The following MACROD2 variants were observed in gnomAD, a reference collection of about 807,000 sequenced individuals.
The protein encoded by MACROD2 is ADP-ribose glycohydrolase MACROD2.
Under a neutral mutation model 70.4 loss-of-function variants are expected in MACROD2, and 36 were observed. The observed-to-expected ratio is 0.51, with a 90% CI of 0.39 to 0.68. The LOEUF is 0.68. Ranked by LOEUF, MACROD2 falls within the 30% of genes least tolerant of loss-of-function variation. MACROD2 has a pLI of 0.00. For missense variants in MACROD2, 496 were observed against 538.4 expected (o/e 0.92, Z 0.78); for synonymous variants, 172 against 178.8 (o/e 0.96, Z 0.30).
At chr20:15,198,775 T>C (rs2076629038) in intron 5 of MACROD2, among the ~76,000 whole-genome samples, 1 of 152,134 alleles carries the variant, frequency 6.6e-6, no homozygotes, top group Non-Finnish European at 1.5e-5. Context: ...CAAAGTTATT[T>C]CCATAGAAGA....
At chr20:14,778,198 T>G (rs1021423160) in intron 5 of MACROD2, among the ~76,000 whole-genome samples, 27 of 152,068 alleles carry the variant, frequency 1.8e-4, no homozygotes, top group Admixed American at 1.3e-4. Flanking sequence ...GAGAGAGAAG[T>G]AATAGGGAAG....
At chr20:16,002,898 TGGTGATGAGGCAAAGATGATTGACA>T (rs1403072469) in intron 15 of MACROD2, among the ~76,000 whole-genome samples, 1 of 152,098 alleles carries the variant, frequency 6.6e-6, no homozygotes, top group Non-Finnish European at 1.5e-5. Context: ...TTCTTTTGGG[TGGTGATGAGGCAAAGATGATTGACA>T]GATGGGTAGG....
At chr20:14,807,234 C>G (rs946928485) in intron 5 of MACROD2, among the ~76,000 whole-genome samples, 1 of 152,102 alleles carries the variant, frequency 6.6e-6, no homozygotes, top group Admixed American at 6.5e-5. Context: ...GACAAAGCTT[C>G]CAGAGGAAGG....
At chr20:15,094,715 C>T (rs184497390) in intron 5 of MACROD2, among the ~76,000 whole-genome samples, 1 of 152,084 alleles carries the variant, frequency 6.6e-6, no homozygotes, top group Admixed American at 6.5e-5. Flanking sequence ...GCTTGTTCTC[C>T]CTGTGTATTT....
At chr20:14,736,487 C>A (rs1165042920) in intron 5 of MACROD2, among the ~76,000 whole-genome samples, 2 of 152,002 alleles carry the variant, frequency 1.3e-5, no homozygotes, top group African/African-American at 4.8e-5. Context: ...ATTAAAAAAC[C>A]TAAAGTAAAC....
rs1303330846 is a variant in MACROD2 at position 14,340,582 on chromosome 20, AT to A, written c.272-152887del. 1.7e-4 allele frequency among the ~76,000 whole-genome samples: 25 copies of A among 150,746 alleles called. No individual in the cohort carries two copies. In the East Asian group the frequency reaches 3.7e-3, roughly 22 times the overall value. ...AGAGGAATAGAAGAGCATTTCATTG[AT>A]TTTTTTTTTCTCTTGTACTTACACA... is the stretch of plus-strand genomic sequence containing the variant. On this transcript the variant is annotated intron_variant, in intron 3 of 17. Transcript: ENST00000684519.
chr20:14,477,240 A>G (rs1341620498), intron 3 of MACROD2, among the ~76,000 whole-genome samples: 1 of 152,176 alleles, frequency 6.6e-6, no homozygotes, highest in Non-Finnish European at 1.5e-5. Context: ...CAGGGAGTTC[A>G]ATCAAAACAT....
chr20:15,059,315 G>A (rs1246137376), intron 5 of MACROD2, among the ~76,000 whole-genome samples: 2 of 151,640 alleles, frequency 1.3e-5, no homozygotes, highest in East Asian at 3.9e-4. Context: ...AGCCCAGGAG[G>A]TGGAGGCTGC....
In MACROD2 at chr20:14,325,705, T is replaced by C. The variant is rs370761475; in HGVS notation, c.272-167774T>C. The C allele has an allele frequency of 5.7e-5, 92 of 1,613,846 alleles. No individual in the cohort carries two copies. The highest frequency in any genetic ancestry group is 7.4e-5 in the Non-Finnish European group (87 of 1,179,882). On this transcript the variant is annotated intron_variant, in intron 3 of 17. Transcript: ENST00000684519. Reference sequence around the variant, plus strand: ...AAACTCCTCCTTCGAGATGGGTTCATTGCTTATTGGTAACATCTGAAAAGA... The same window carrying C: ...AAACTCCTCCTTCGAGATGGGTTCACTGCTTATTGGTAACATCTGAAAAGA...
intron 5 of MACROD2, among the ~76,000 whole-genome samples, chr20:14,835,124 C>G (rs1185083784): frequency 6.6e-6 from 1 of 152,004 alleles, no homozygotes; most frequent in Non-Finnish European, 1.5e-5. Flanking sequence ...TCTATAACAA[C>G]CTTTTTTTCC....
rs1027192153 is a variant in MACROD2 at position 14,840,626 on chromosome 20, G to A, written c.418+155667G>A. Among the ~76,000 whole-genome samples, 238 of 152,122 alleles carry A rather than the reference G, an allele frequency of 1.6e-3. 2 individuals carry two copies. The highest frequency in any genetic ancestry group is 1.0e-3 in the Non-Finnish European group (71 of 67,970). On this transcript the variant is annotated intron_variant, in intron 5 of 17. Coordinates refer to ENST00000684519, the MANE Select transcript of MACROD2 (RefSeq NM_001351661.2). Reference sequence around the variant, plus strand: ...GAGACTATAATCAATACTCTTATCAGCCAGAACAACATACATTAAAACTAA... The same window carrying A: ...GAGACTATAATCAATACTCTTATCAACCAGAACAACATACATTAAAACTAA...
chr20:14,274,734 A>G (rs896352946), intron 3 of MACROD2, among the ~76,000 whole-genome samples: 11 of 152,150 alleles, frequency 7.2e-5, no homozygotes, highest in Admixed American at 2.0e-4. Flanking sequence ...ACATGATTGT[A>G]TATGTAGAAA....
intron 3 of MACROD2, among the ~76,000 whole-genome samples, chr20:14,185,721 T>G (rs1260088646): frequency 6.6e-6 from 1 of 152,192 alleles, no homozygotes; most frequent in African/African-American, 2.4e-5. Flanking sequence ...ACTCAGCTAC[T>G]TGCTAGCTTT....
At chr20:15,673,374 G>T (rs1418006990) in intron 8 of MACROD2, among the ~76,000 whole-genome samples, 1 of 152,136 alleles carries the variant, frequency 6.6e-6, no homozygotes, top group Non-Finnish European at 1.5e-5. Flanking sequence ...ACTCATCAGG[G>T]AGGGAAATCA....
chr20:14,661,447 A>C (rs1054403432), intron 4 of MACROD2, among the ~76,000 whole-genome samples: 8 of 152,106 alleles, frequency 5.3e-5, no homozygotes, highest in Non-Finnish European at 1.0e-4. Flanking sequence ...GATTCTGGAT[A>C]TTAGACCTTT....
At chr20:14,110,120 A>C (rs548939584) in intron 3 of MACROD2, among the ~76,000 whole-genome samples, 1 of 152,024 alleles carries the variant, frequency 6.6e-6, no homozygotes, top group Non-Finnish European at 1.5e-5. Context: ...AATGAAAGAC[A>C]AAAACCGTAT....
intron 5 of MACROD2, among the ~76,000 whole-genome samples, chr20:15,108,444 T>G (rs1471888637): frequency 2.6e-5 from 4 of 152,186 alleles, no homozygotes; most frequent in Non-Finnish European, 5.9e-5. Flanking sequence ...TCCTGTGGAT[T>G]ATTTAAGCAC....
At chr20:15,420,630 A>ACTGTTAAAGTGGGCAAT (rs1480763592) in intron 6 of MACROD2, among the ~76,000 whole-genome samples, 3 of 152,156 alleles carry the variant, frequency 2.0e-5, no homozygotes, top group Admixed American at 2.0e-4. Context: ...ACTATTCTCC[A>ACTGTTAAAGTGGGCAAT]CTGTTAAAGA....
chr20:14,772,893 C>T (rs1311446991), intron 5 of MACROD2, among the ~76,000 whole-genome samples: 2 of 151,884 alleles, frequency 1.3e-5, no homozygotes, highest in African/African-American at 4.8e-5. Flanking sequence ...ACAATTTTTT[C>T]TCTTTCTTCA....
Sources: allele counts gnomAD v4.1 joint callset (sites outside exome capture counted in the v4.1 genomes callset), GRCh38; gene constraint gnomAD v4.1.1; transcripts MANE v1.5; gene names NCBI Gene and HGNC (gene_info 2026-07-23, HGNC 2026-07-21).